The following NEGR1 variants were observed in gnomAD, a reference collection of about 807,000 sequenced individuals.
NEGR1 encodes the protein neuronal growth regulator 1.
A neutral mutation model predicts 40.9 loss-of-function variants in NEGR1; 10 were observed. The ratio of observed to expected loss-of-function variants is 0.24; its 90% CI spans 0.15 to 0.42. The LOEUF (loss-of-function observed/expected upper bound fraction) is 0.42. NEGR1 is among the 10% of genes least tolerant of loss of function. The pLI, the probability that NEGR1 is intolerant of heterozygous loss-of-function variation, is 1.00. For missense variants in NEGR1, 352 were observed against 438.9 expected, an observed-to-expected ratio of 0.80 and a Z score of 1.77; for synonymous variants, 185 against 166.8, an observed-to-expected ratio of 1.11 and a Z score of -0.84.
At chr1:71,869,883 CTT>C (rs140029802) in intron 2 of NEGR1, among the ~76,000 whole-genome samples, 20 of 135,976 alleles carry the variant, frequency 1.5e-4, no homozygotes, top group Admixed American at 1.5e-4. Context: ...TTCTTTCTTT[CTT>C]TTTTTTTTTT....
intron 6 of NEGR1, among the ~76,000 whole-genome samples, chr1:71,451,419 C>T (rs1202264641): frequency 2.0e-5 from 3 of 151,452 alleles, no homozygotes; most frequent in Middle Eastern, 6.8e-3. Flanking sequence ...CTGCAACCTC[C>T]GCCTCCTGGG....
At chr1:72,056,340 AT>A (rs530115862) in intron 1 of NEGR1, among the ~76,000 whole-genome samples, 1 of 151,166 alleles carries the variant, frequency 6.6e-6, no homozygotes, top group African/African-American at 2.4e-5. Flanking sequence ...TATTTATTGC[AT>A]TTTTTTCTGG....
intron 1 of NEGR1, among the ~76,000 whole-genome samples, chr1:72,006,376 T>C (rs1375042644): frequency 6.6e-6 from 1 of 152,146 alleles, no homozygotes; most frequent in African/African-American, 2.4e-5. Context: ...ATTCCATGCA[T>C]TTTAAATGGC....
chr1:71,984,878 T>A (rs954102765), intron 1 of NEGR1, among the ~76,000 whole-genome samples: 6 of 152,268 alleles, frequency 3.9e-5, no homozygotes, highest in African/African-American at 1.4e-4. Flanking sequence ...AATAATGATA[T>A]AAAATAATAA....
intron 6 of NEGR1, among the ~76,000 whole-genome samples, chr1:71,573,174 G>C (rs1648858960): frequency 6.6e-6 from 1 of 152,128 alleles, no homozygotes; most frequent in Non-Finnish European, 1.5e-5. Context: ...AGAGATCTAG[G>C]ACTGGTTAGC....
At chr1:71,567,103 A>G (rs72677140) in intron 6 of NEGR1, among the ~76,000 whole-genome samples, 3,140 of 152,286 alleles carry the variant, frequency 0.021, 41 homozygotes, top group Non-Finnish European at 0.034. Context: ...CTTGCAGAAA[A>G]TTGGAGGAAA....
chr1:71,433,817 T>C (rs1429016487), intron 6 of NEGR1, among the ~76,000 whole-genome samples: 1 of 152,250 alleles, frequency 6.6e-6, no homozygotes, highest in Non-Finnish European at 1.5e-5. Flanking sequence ...ATTATCTTTC[T>C]CTATAAGCTT....
At chr1:71,735,171 C>T (rs757468707) in intron 3 of NEGR1, among the ~76,000 whole-genome samples, 5 of 152,070 alleles carry the variant, frequency 3.3e-5, no homozygotes, top group African/African-American at 4.8e-5. Flanking sequence ...TTTCTTGATC[C>T]TCTAATTCAT....
At chr1:71,838,628 T>TG (rs1193472712) in intron 2 of NEGR1, among the ~76,000 whole-genome samples, 1 of 152,138 alleles carries the variant, frequency 6.6e-6, no homozygotes, top group Non-Finnish European at 1.5e-5. Flanking sequence ...GAGTGTGAAG[T>TG]GCTTTGTTTC....
intron 1 of NEGR1, among the ~76,000 whole-genome samples, chr1:72,234,323 T>C (rs555659673): frequency 2.0e-5 from 3 of 152,254 alleles, no homozygotes; most frequent in Admixed American, 2.0e-4. Flanking sequence ...TCTTGTTCTT[T>C]TTTATGGCTA....
intron 6 of NEGR1, among the ~76,000 whole-genome samples, chr1:71,498,770 A>G (rs935549518): frequency 6.6e-6 from 1 of 152,166 alleles, no homozygotes; most frequent in African/African-American, 2.4e-5. Flanking sequence ...ATCAATGTGC[A>G]TACTCATGAC....
In NEGR1 at chr1:71,953,761, G is replaced by A. The variant is rs532737976; in HGVS notation, c.177-18450C>T. On this transcript the variant is annotated intron_variant, in intron 1 of 6. Transcript: ENST00000357731. ...TAAGCCCTTCACAAACAGAACAAAGGACTTGTTGAAGGCTCAAATGATAAT... is the reference window on the plus strand; with the variant it reads ...TAAGCCCTTCACAAACAGAACAAAGAACTTGTTGAAGGCTCAAATGATAAT... 5.3e-5 allele frequency among the ~76,000 whole-genome samples: 8 copies of A among 152,046 alleles called. No homozygotes were observed. In the South Asian group the frequency reaches 1.7e-3, roughly 32 times the overall value.
chr1:71,824,467 A>G (rs1570397740), intron 2 of NEGR1, among the ~76,000 whole-genome samples: 1 of 152,024 alleles, frequency 6.6e-6, no homozygotes, highest in East Asian at 1.9e-4. Context: ...CATTATATTG[A>G]GCCTCACTTT....
chr1:71,474,281 A>ATGTGTGTG (rs112956217), intron 6 of NEGR1, among the ~76,000 whole-genome samples: 5,706 of 143,532 alleles, frequency 0.04, 366 homozygotes, highest in African/African-American at 0.14. Flanking sequence ...AAACAGGAAA[A>ATGTGTGTG]TGTGTGTGTG....
chr1:71,642,908 T>C (rs17512498), intron 4 of NEGR1, among the ~76,000 whole-genome samples: 1 of 151,994 alleles, frequency 6.6e-6, no homozygotes, highest in African/African-American at 2.4e-5. Context: ...GTTACCCTTT[T>C]ATCTAGGATT....
At chr1:71,808,374 G>A (rs1350308696) in intron 2 of NEGR1, among the ~76,000 whole-genome samples, 1 of 152,108 alleles carries the variant, frequency 6.6e-6, no homozygotes, top group East Asian at 1.9e-4. Flanking sequence ...AGATGGTGGA[G>A]ATGAAAACAA....
chr1:72,078,617 ACT>A (rs201881756), intron 1 of NEGR1, among the ~76,000 whole-genome samples: 5,179 of 121,546 alleles, frequency 0.043, 147 homozygotes, highest in Non-Finnish European at 0.063. Flanking sequence ...TATCATATAC[ACT>A]CATATATATA....
At chr1:71,691,726 A>G (rs1245069841) in intron 4 of NEGR1, among the ~76,000 whole-genome samples, 1 of 151,610 alleles carries the variant, frequency 6.6e-6, no homozygotes, top group African/African-American at 2.4e-5. Context: ...GTCCTGCTTC[A>G]CTCCACAATG....
chr1:71,446,479 A>T lies in NEGR1; in HGVS notation c.941-38909T>A, dbSNP rs576417342. 1.2e-4 allele frequency among the ~76,000 whole-genome samples: 18 copies of T among 152,318 alleles called. No individual in the cohort carries two copies. The South Asian group carries it at 3.5e-3, about 30-fold the overall frequency. ...ATTTTTGACAAGATTGACTTTTAAG[A>T]ATTGTGCACAATACTATTGAGAAAG... On this transcript the variant is annotated intron_variant, in intron 6 of 6. Transcript: ENST00000357731.
Sources: allele counts gnomAD v4.1 joint callset (sites outside exome capture counted in the v4.1 genomes callset), GRCh38; gene constraint gnomAD v4.1.1; transcripts MANE v1.5; gene names NCBI Gene and HGNC (gene_info 2026-07-23, HGNC 2026-07-21).